The following NOS1AP variants were observed in gnomAD, a reference collection of about 807,000 sequenced individuals.
NOS1AP encodes nitric oxide synthase 1 adaptor protein.
NOS1AP carries 21 observed loss-of-function variants against 56.2 expected under a neutral mutation model. That is an observed-to-expected ratio of 0.37 (90% CI 0.26 to 0.54). The LOEUF is 0.54. Among genes scored for constraint, NOS1AP ranks in the 20% least tolerant of loss-of-function variants. The probability of loss-of-function intolerance (pLI) is 0.84; values close to 1 mark genes in which losing one functional copy is unlikely to be tolerated. For synonymous variants in NOS1AP, 270 were observed against 274.6 expected, an observed-to-expected ratio of 0.98 and a Z score of 0.17; for missense variants, 522 against 657.8, an observed-to-expected ratio of 0.79 and a Z score of 2.26.
At chr1:162,094,716 G>A (rs187329622) in intron 1 of NOS1AP, among the ~76,000 whole-genome samples, 1 of 152,298 alleles carries the variant, frequency 6.6e-6, no homozygotes, top group Admixed American at 6.5e-5. Flanking sequence ...TGGTGATTCA[G>A]ACAAGATCTC....
chr1:162,337,610 C>T (rs926941546), intron 5 of NOS1AP, among the ~76,000 whole-genome samples: 3 of 152,208 alleles, frequency 2.0e-5, no homozygotes, highest in Non-Finnish European at 4.4e-5. Flanking sequence ...TAACTGTCCA[C>T]AGTCACCCAG....
intron 2 of NOS1AP, among the ~76,000 whole-genome samples, chr1:162,280,836 C>T (rs1571186634): frequency 6.6e-6 from 1 of 152,256 alleles, no homozygotes; most frequent in African/African-American, 2.4e-5. Flanking sequence ...TTCCAAGACT[C>T]CTCATAGATA....
At chr1:162,361,515 C>T (rs1442310561) in intron 8 of NOS1AP, among the ~76,000 whole-genome samples, 1 of 152,226 alleles carries the variant, frequency 6.6e-6, no homozygotes, top group Non-Finnish European at 1.5e-5. Flanking sequence ...TCCTGCAGCA[C>T]AGCCTGCCAC....
chr1:162,096,808 T>C (rs1692255866), intron 1 of NOS1AP, among the ~76,000 whole-genome samples: 2 of 152,220 alleles, frequency 1.3e-5, no homozygotes, highest in African/African-American at 2.4e-5. Context: ...TGTATAGATA[T>C]ACCACAACTT....
chr1:162,103,056 T>C (rs1432736740), intron 1 of NOS1AP, among the ~76,000 whole-genome samples: 1 of 152,130 alleles, frequency 6.6e-6, no homozygotes, highest in Non-Finnish European at 1.5e-5. Flanking sequence ...TTTTAGCTTT[T>C]TGATGTGGGC....
chr1:162,244,880 A>G (rs1653609509), intron 2 of NOS1AP, among the ~76,000 whole-genome samples: 1 of 152,218 alleles, frequency 6.6e-6, no homozygotes, highest in Non-Finnish European at 1.5e-5. Flanking sequence ...AAATGGGCTT[A>G]TGTTAACTCC....
intron 4 of NOS1AP, among the ~76,000 whole-genome samples, chr1:162,300,952 G>A (rs754850972): frequency 5.9e-5 from 9 of 152,018 alleles, no homozygotes; most frequent in South Asian, 2.1e-4. Context: ...TAAACCTCTC[G>A]GTTGTAATTG....
chr1:162,157,552 G>A (rs897131443), intron 2 of NOS1AP, among the ~76,000 whole-genome samples: 3 of 152,224 alleles, frequency 2.0e-5, no homozygotes, highest in African/African-American at 7.2e-5. Context: ...GCTTTTGGTT[G>A]CTGGGTGTTC....
chr1:162,267,736 C>T (rs1654469182), intron 2 of NOS1AP, among the ~76,000 whole-genome samples: 1 of 152,052 alleles, frequency 6.6e-6, no homozygotes, highest in Non-Finnish European at 1.5e-5. Flanking sequence ...GCACTCTGGC[C>T]TGGGCAACAG....
intron 2 of NOS1AP, among the ~76,000 whole-genome samples, chr1:162,249,542 A>G (rs1001786898): frequency 3.3e-5 from 5 of 152,234 alleles, no homozygotes; most frequent in African/African-American, 9.6e-5. Flanking sequence ...TTCTCTTGTC[A>G]TCATCCACAC....
chr1:162,278,724 A>C (rs1236294517), intron 2 of NOS1AP, among the ~76,000 whole-genome samples: 1 of 151,336 alleles, frequency 6.6e-6, no homozygotes, highest in African/African-American at 2.4e-5. Flanking sequence ...GATATGAATC[A>C]TACTGTGGTA....
intron 2 of NOS1AP, among the ~76,000 whole-genome samples, chr1:162,251,247 C>T (rs893169637): frequency 1.3e-5 from 2 of 152,132 alleles, no homozygotes; most frequent in Non-Finnish European, 2.9e-5. Flanking sequence ...CCTAAACAAT[C>T]CTGCTCTCCC....
intron 2 of NOS1AP, among the ~76,000 whole-genome samples, chr1:162,183,069 A>T (rs558511217): frequency 1.3e-5 from 2 of 152,212 alleles, no homozygotes; most frequent in Non-Finnish European, 2.9e-5. Flanking sequence ...CTTACACAAT[A>T]TATTTCTTAA....
At chr1:162,107,580 G>A (rs976120200) in intron 1 of NOS1AP, among the ~76,000 whole-genome samples, 2 of 152,210 alleles carry the variant, frequency 1.3e-5, no homozygotes, top group African/African-American at 4.8e-5. Context: ...CTGGCCTTAA[G>A]CATTCCTCCT....
At chr1:162,080,021 C>A (rs1164393908) in intron 1 of NOS1AP, among the ~76,000 whole-genome samples, 1 of 152,174 alleles carries the variant, frequency 6.6e-6, no homozygotes, top group Non-Finnish European at 1.5e-5. Context: ...GATTAAAAAT[C>A]ACAGAATCTT....
At chr1:162,310,056 C>T (rs1183292008) in intron 4 of NOS1AP, among the ~76,000 whole-genome samples, 1 of 152,130 alleles carries the variant, frequency 6.6e-6, no homozygotes, top group African/African-American at 2.4e-5. Context: ...GCTGTCCCTC[C>T]AAAATCAGAG....
intron 2 of NOS1AP, among the ~76,000 whole-genome samples, chr1:162,208,817 A>G (rs1159826292): frequency 1.3e-5 from 2 of 152,242 alleles, no homozygotes; most frequent in Admixed American, 1.3e-4. Context: ...CGTAAAGTAG[A>G]TGTCTAATAA....
chr1:162,339,878 C>G (rs796395279), intron 5 of NOS1AP, among the ~76,000 whole-genome samples: 20 of 152,302 alleles, frequency 1.3e-4, no homozygotes, highest in African/African-American at 4.8e-4. Flanking sequence ...CTACTGACCA[C>G]CTTTAAGTAA....
chr1:162,199,443 C>T (rs2102164373), intron 2 of NOS1AP, among the ~76,000 whole-genome samples: 1 of 152,294 alleles, frequency 6.6e-6, no homozygotes, highest in South Asian at 2.1e-4. Context: ...ATGTCCCTGT[C>T]CTCTCCACTG....
Sources: allele counts gnomAD v4.1 joint callset (sites outside exome capture counted in the v4.1 genomes callset), GRCh38; gene constraint gnomAD v4.1.1; transcripts MANE v1.5; gene names NCBI Gene and HGNC (gene_info 2026-07-23, HGNC 2026-07-21).